The following JMJD1C variants were observed in gnomAD, a reference collection of about 807,000 sequenced individuals.
JMJD1C encodes the protein jumonji domain-containing protein 1C.
A neutral mutation model predicts 245.3 loss-of-function variants in JMJD1C; 31 were observed. The observed-to-expected ratio is 0.13, with a 90% CI of 0.09 to 0.17. JMJD1C has a LOEUF of 0.17. Ranked by LOEUF, JMJD1C falls within the 10% of genes least tolerant of loss-of-function variation. The probability of loss-of-function intolerance (pLI) is 1.00; values close to 1 mark genes in which losing one functional copy is unlikely to be tolerated. For synonymous variants in JMJD1C, 1,057 were observed against 1,017.4 expected, an observed-to-expected ratio of 1.04 and a Z score of -0.74; for missense variants, 2,691 against 3,000.2, an observed-to-expected ratio of 0.90 and a Z score of 2.41.
chr10:63,384,055 T>TAA, intron 1 of JMJD1C, among the ~76,000 whole-genome samples: 1 of 152,192 alleles, frequency 6.6e-6, no homozygotes, highest in Non-Finnish European at 1.5e-5. Flanking sequence ...CACCAACGGT[T>TAA]AAGTAGTATT....
At chr10:63,248,829 T>C (rs572190092) in intron 3 of JMJD1C, among the ~76,000 whole-genome samples, 141 of 152,306 alleles carry the variant, frequency 9.3e-4, no homozygotes, top group African/African-American at 3.3e-3. Flanking sequence ...TCCACCTAAG[T>C]GCTCATCAAT....
chr10:63,243,126 A>ATATATATATATATATAT (rs1564669004), intron 3 of JMJD1C, among the ~76,000 whole-genome samples: 12 of 42,972 alleles, frequency 2.8e-4, no homozygotes, highest in Non-Finnish European at 5.6e-4. Flanking sequence ...TATATATATA[A>ATATATATATATATATAT]ATATATATAT....
chr10:63,363,556 C>A (rs969945021), intron 2 of JMJD1C, among the ~76,000 whole-genome samples: 1 of 151,854 alleles, frequency 6.6e-6, no homozygotes, highest in African/African-American at 2.4e-5. Context: ...CCACGCCTAA[C>A]CCATACAATT....
At position 63,207,322 on chromosome 10, in the gene JMJD1C, C is replaced by T. The variant is rs1181876054; in HGVS notation, c.4347G>A (p.Lys1449=). Residue 1449 remains lysine, a synonymous_variant, in exon 10 of 26, where the codon AAG becomes AAA. Coordinates refer to ENST00000399262, the MANE Select transcript of JMJD1C (RefSeq NM_032776.3). ...SQPVAQKQEC[K]VSTTAPVTLA... ...ATGTAACTGGTGCTGTGGTGCTGACCTTGCATTCTTGTTTTTGAGCCACTG... is the reference window on the plus strand; with the variant it reads ...ATGTAACTGGTGCTGTGGTGCTGACTTTGCATTCTTGTTTTTGAGCCACTG... 6.2e-7 allele frequency: 1 copy of T among 1,613,522 alleles called. No individual in the cohort carries two copies. Among genetic ancestry groups the T allele is most frequent in the Non-Finnish European group, 8.5e-7 (1 of 1,180,000 alleles).
At chr10:63,391,671 A>T (rs1038314175) in intron 1 of JMJD1C, among the ~76,000 whole-genome samples, 3 of 152,212 alleles carry the variant, frequency 2.0e-5, no homozygotes, top group Non-Finnish European at 2.9e-5. Flanking sequence ...ATAGAAAGAC[A>T]TCCCATGCTC....
intron 20 of JMJD1C, 47 bp from the exon 21 acceptor site, chr10:63,184,785 C>CT: frequency 6.5e-7 from 1 of 1,535,594 alleles, no homozygotes; most frequent in Non-Finnish European, 8.9e-7. Flanking sequence ...ATTTGCATTG[C>CT]TAAGTATTTT....
At chr10:63,169,838 A>C (rs1842186057) in intron 24 of JMJD1C, among the ~76,000 whole-genome samples, 1 of 152,218 alleles carries the variant, frequency 6.6e-6, no homozygotes, top group Admixed American at 6.5e-5. Flanking sequence ...TTCACAGAGC[A>C]GGAAACTATG....
At chr10:63,250,793 T>A (rs1396010308) in intron 3 of JMJD1C, among the ~76,000 whole-genome samples, 2 of 152,206 alleles carry the variant, frequency 1.3e-5, no homozygotes, top group African/African-American at 4.8e-5. Context: ...CTGGCTTGAG[T>A]GCAGTGGCAC....
intron 2 of JMJD1C, among the ~76,000 whole-genome samples, chr10:63,296,031 G>A (rs1254599562): frequency 8.5e-6 from 1 of 117,366 alleles, no homozygotes; most frequent in African/African-American, 3.3e-5. Context: ...TTTTTTCTTA[G>A]ATGGAGTTTC....
chr10:63,349,886 T>C (rs578213878), intron 2 of JMJD1C, among the ~76,000 whole-genome samples: 3 of 152,318 alleles, frequency 2.0e-5, no homozygotes, highest in African/African-American at 4.8e-5. Context: ...ACATTACAGA[T>C]TGATAACTGG....
chr10:63,422,084 GAGAGACACCATTTATTATAA>G (rs1292041461), intron 1 of JMJD1C, among the ~76,000 whole-genome samples: 1 of 151,394 alleles, frequency 6.6e-6, no homozygotes, highest in Non-Finnish European at 1.5e-5. Context: ...TCATAGAAGA[GAGAGACACCATTTATTATAA>G]AAACAATGTG....
Position 63,317,257 on chromosome 10 carries a change from G to A in JMJD1C, c.334-52493C>T, listed in dbSNP as rs1940198854. Among the ~76,000 whole-genome samples, 2 of 152,060 alleles carry A rather than the reference G, an allele frequency of 1.3e-5. 1 individual carries two copies. Among genetic ancestry groups the A allele is most frequent in the South Asian group, 4.2e-4 (2 of 4,810 alleles). On this transcript the variant is annotated intron_variant, in intron 2 of 25. Transcript: ENST00000399262. Reference sequence around the variant, plus strand: ...ATGGTGGCTCATGCCTGTAATCCCAGCACTTTGGGAGGCCGAGGTGGGCAG... The same window carrying A: ...ATGGTGGCTCATGCCTGTAATCCCAACACTTTGGGAGGCCGAGGTGGGCAG...
intron 1 of JMJD1C, among the ~76,000 whole-genome samples, chr10:63,512,136 A>ATG (rs1954890019): frequency 6.6e-6 from 1 of 152,240 alleles, no homozygotes; most frequent in East Asian, 1.9e-4. Flanking sequence ...GTATAGATAC[A>ATG]CACACATATA....
intron 3 of JMJD1C, among the ~76,000 whole-genome samples, chr10:63,233,212 A>C (rs959542624): frequency 4.6e-5 from 7 of 152,320 alleles, no homozygotes; most frequent in African/African-American, 1.4e-4. Flanking sequence ...CTTTATAGTT[A>C]AAAATGTGTC....
chr10:63,229,906 T>TA (rs1220370451), intron 3 of JMJD1C, among the ~76,000 whole-genome samples: 2 of 152,234 alleles, frequency 1.3e-5, no homozygotes, highest in African/African-American at 4.8e-5. Context: ...AAGGCTATTT[T>TA]AAAAAACCCA....
chr10:63,507,651 A>AAG (rs1353916885), intron 1 of JMJD1C, among the ~76,000 whole-genome samples: 8 of 149,798 alleles, frequency 5.3e-5, no homozygotes, highest in Admixed American at 5.3e-4. Context: ...TCTCAAAAAA[A>AAG]AAAAAAAAAA....
intron 3 of JMJD1C, among the ~76,000 whole-genome samples, chr10:63,236,119 C>T (rs190817326): frequency 1.3e-5 from 2 of 152,240 alleles, no homozygotes; most frequent in Non-Finnish European, 2.9e-5. Flanking sequence ...AACTGTGTAT[C>T]TTGCTTTATC....
chr10:63,250,007 A>G (rs1039428390), intron 3 of JMJD1C, among the ~76,000 whole-genome samples: 2 of 152,116 alleles, frequency 1.3e-5, no homozygotes, highest in Non-Finnish European at 2.9e-5. Flanking sequence ...TTATGTATTG[A>G]TAATTTTTCT....
chr10:63,214,338 T>C lies in JMJD1C; in HGVS notation c.1829A>G (p.Glu610Gly), dbSNP rs781498422. 4 of 1,613,950 alleles carry C rather than the reference T, an allele frequency of 2.5e-6. No individual in the cohort carries two copies. Among genetic ancestry groups the C allele is most frequent in the Non-Finnish European group, 2.5e-6 (3 of 1,179,972 alleles). ...TGGACTTCGCTTATGCAGCTTATCT[T>C]CCATGACAGAAACTGCACTTAAAGG... ...ISPLSAVSVM[E>G]DKLHKRSPPP... is the part of the protein sequence containing the mutation. The change falls in exon 8 of 26, where the codon GAA becomes GGA. Residue 610 changes from glutamate to glycine, a missense_variant. Physicochemically the swap from Glu to Gly is moderately conservative, Grantham distance 98. Coordinates refer to ENST00000399262, the MANE Select transcript of JMJD1C (RefSeq NM_032776.3).
Sources: allele counts gnomAD v4.1 joint callset (sites outside exome capture counted in the v4.1 genomes callset), GRCh38; gene constraint gnomAD v4.1.1; transcripts MANE v1.5; gene names NCBI Gene and HGNC (gene_info 2026-07-23, HGNC 2026-07-21).